The following FBLN5 variants were observed in gnomAD, a reference collection of about 807,000 sequenced individuals.
FBLN5 encodes fibulin 5.
In FBLN5, 24 loss-of-function variants were observed where a neutral mutation model predicts 61.6. The ratio of observed to expected loss-of-function variants is 0.39; its 90% CI spans 0.28 to 0.55. The LOEUF (loss-of-function observed/expected upper bound fraction) is 0.55. FBLN5 is among the 20% of genes least tolerant of loss of function. FBLN5 has a pLI of 0.65. For missense variants in FBLN5, 470 were observed against 594.1 expected (o/e 0.79, Z 2.17); for synonymous variants, 213 against 219.8 (o/e 0.97, Z 0.27).
At chr14:91,894,422 A>AAAAAAAAAG (rs1890129383) in intron 5 of FBLN5, among the ~76,000 whole-genome samples, 1 of 146,384 alleles carries the variant, frequency 6.8e-6, no homozygotes, top group Non-Finnish European at 1.5e-5. Context: ...AAAAAAAAAA[A>AAAAAAAAAG]AAAAACCGAA....
intron 4 of FBLN5, among the ~76,000 whole-genome samples, chr14:91,931,475 A>C (rs539323595): frequency 6.6e-6 from 1 of 152,324 alleles, no homozygotes; most frequent in South Asian, 2.1e-4. Flanking sequence ...TCAGACCAAC[A>C]CCACCCACCT....
At position 91,870,206 on chromosome 14, in the gene FBLN5, G is replaced by C; in HGVS notation, c.*18C>G. 6.2e-7 allele frequency: 1 copy of C among 1,613,498 alleles called. No homozygotes were observed. The highest frequency in any genetic ancestry group is 8.5e-7 in the Non-Finnish European group (1 of 1,179,412). On this transcript the variant is annotated 3_prime_UTR_variant, in exon 11 of 11. Transcript: ENST00000342058. ...TTGGTGCCAATGAGAGGCAGCGTCG[G>C]AGGCTCCAGCCCGAGGCTCAGAATG...
chr14:91,924,442 C>T (rs1416099890), intron 4 of FBLN5, among the ~76,000 whole-genome samples: 2 of 152,162 alleles, frequency 1.3e-5, no homozygotes, highest in African/African-American at 4.8e-5. Flanking sequence ...AATCCCAACA[C>T]TTTGGGAGGC....
chr14:91,891,181 T>C, intron 6 of FBLN5, 40 bp downstream of exon 6: 1 of 1,111,792 alleles, frequency 9.0e-7, no homozygotes, highest in Non-Finnish European at 1.4e-6. Flanking sequence ...CTGCAGCTAG[T>C]GTCTCACATC....
At chr14:91,918,495 A>G (rs1007872015) in intron 4 of FBLN5, among the ~76,000 whole-genome samples, 4 of 152,202 alleles carry the variant, frequency 2.6e-5, no homozygotes, top group Non-Finnish European at 4.4e-5. Context: ...AAGACTGGCC[A>G]AAAGAGGAAT....
chr14:91,925,603 C>T (rs942907476), intron 4 of FBLN5, among the ~76,000 whole-genome samples: 2 of 152,182 alleles, frequency 1.3e-5, no homozygotes, highest in Non-Finnish European at 2.9e-5. Flanking sequence ...CCAGTCTCCC[C>T]CATGGCAGGA....
chr14:91,914,811 T>TG (rs1392868138), intron 4 of FBLN5, among the ~76,000 whole-genome samples: 1 of 151,692 alleles, frequency 6.6e-6, no homozygotes, highest in Non-Finnish European at 1.5e-5. Context: ...AATATCTGTG[T>TG]GGTTTTTTTT....
At chr14:91,923,467 T>C (rs1162781301) in intron 4 of FBLN5, among the ~76,000 whole-genome samples, 1 of 152,220 alleles carries the variant, frequency 6.6e-6, no homozygotes, top group Non-Finnish European at 1.5e-5. Context: ...AGGTGACCGG[T>C]TGACTCATGA....
At chr14:91,946,137 G>A (rs1036114514) in intron 1 of FBLN5, among the ~76,000 whole-genome samples, 16 of 151,876 alleles carry the variant, frequency 1.1e-4, no homozygotes, top group Non-Finnish European at 2.2e-4. Context: ...CCTGGGACAG[G>A]TCTTGCCTCA....
chr14:91,873,251 C>T (rs918975149), intron 10 of FBLN5, among the ~76,000 whole-genome samples: 4 of 152,084 alleles, frequency 2.6e-5, no homozygotes, highest in African/African-American at 4.8e-5. Flanking sequence ...CTTGGTGGTG[C>T]GAAAAGATGA....
intron 4 of FBLN5, among the ~76,000 whole-genome samples, chr14:91,927,932 T>C (rs2055856952): frequency 2.0e-5 from 3 of 152,230 alleles, no homozygotes; most frequent in Admixed American, 6.5e-5. Context: ...TTGTAGGTCA[T>C]TGAAAAGACT....
In FBLN5 at chr14:91,943,383, C is replaced by T. The variant is rs576784224; in HGVS notation, c.18-422G>A. 2.7e-4 allele frequency among the ~76,000 whole-genome samples: 41 copies of T among 152,030 alleles called. No homozygotes were observed. In the South Asian group the frequency reaches 7.7e-3, roughly 29 times the overall value. On this transcript the variant is annotated intron_variant, in intron 1 of 10. Coordinates refer to ENST00000342058, the MANE Select transcript of FBLN5 (RefSeq NM_006329.4). The surrounding 1 kb of genome is among the most constrained non-coding windows in gnomAD (Gnocchi z 4.0). ...AAAATTAACTGGGCATGATAGCACG[C>T]GCCTAAAGTCCCAGCTACTCAGGAG...
chr14:91,946,361 C>T (rs756906669), intron 1 of FBLN5, among the ~76,000 whole-genome samples: 6 of 152,084 alleles, frequency 3.9e-5, no homozygotes, highest in Non-Finnish European at 8.8e-5. Context: ...GTGCTCATAA[C>T]CGGTCCTGGG....
chr14:91,939,931 G>T (rs539684519), intron 3 of FBLN5: 78 of 453,890 alleles, frequency 1.7e-4, no homozygotes, highest in Admixed American at 1.2e-3. Context: ...AGAAGAAGAG[G>T]CTGATTGGTC....
chr14:91,931,135 G>T (rs2055915806), intron 4 of FBLN5, among the ~76,000 whole-genome samples: 1 of 152,200 alleles, frequency 6.6e-6, no homozygotes, highest in Admixed American at 6.5e-5. Flanking sequence ...TCACAGGTAG[G>T]AAGTGGCCAA....
intron 4 of FBLN5, among the ~76,000 whole-genome samples, chr14:91,917,575 CAAAAAAAAAA>C (rs34458933): frequency 3.8e-4 from 24 of 63,472 alleles, no homozygotes; most frequent in Non-Finnish European, 5.9e-4. Context: ...GACTCCATCT[CAAAAAAAAAA>C]AAAAAAAAAA....
Position 91,869,794 on chromosome 14 carries a change from C to A in FBLN5, c.*430G>T. On this transcript the variant is annotated 3_prime_UTR_variant, in exon 11 of 11. Coordinates refer to ENST00000342058, the MANE Select transcript of FBLN5 (RefSeq NM_006329.4). Reference sequence around the variant, plus strand: ...AAGCAAACTAGCTACTCCCAGGGTTCCCCGCCAGCTCCCGGGTCTTTGCAA... The same window carrying A: ...AAGCAAACTAGCTACTCCCAGGGTTACCCGCCAGCTCCCGGGTCTTTGCAA... 1 of 244,206 alleles carries A rather than the reference C, an allele frequency of 4.1e-6. No individual in the cohort carries two copies. The highest frequency in any genetic ancestry group is 8.2e-6 in the Non-Finnish European group (1 of 122,568). The allele number at this position is 244,206 out of a possible 1,614,324, so 15.1% of individuals were successfully genotyped here. A position where few individuals can be genotyped will look rare whatever the true frequency, so the allele number is the denominator to read the frequency against.
intron 7 of FBLN5, among the ~76,000 whole-genome samples, chr14:91,883,440 T>A (rs1414006505): frequency 4.6e-5 from 7 of 151,940 alleles, no homozygotes; most frequent in African/African-American, 9.7e-5. Flanking sequence ...GGGCTGAGAT[T>A]TCTTTGCCCA....
intron 4 of FBLN5, among the ~76,000 whole-genome samples, chr14:91,925,336 G>A (rs1054067257): frequency 1.3e-5 from 2 of 152,096 alleles, no homozygotes; most frequent in East Asian, 1.9e-4. Flanking sequence ...GGGAACAGGC[G>A]GTCAGTCCTT....
Sources: gnomAD v4.1 joint callset for allele counts (sites outside exome capture counted in the v4.1 genomes callset) on GRCh38, gnomAD v4.1.1 for gene constraint, Gnocchi (gnomAD v3.1) non-coding constraint, MANE v1.5 for transcripts, NCBI Gene and HGNC (gene_info 2026-07-23, HGNC 2026-07-21) for gene names.